Variants in TRDMT1 observed in about 807,000 individuals in gnomAD.
The protein encoded by TRDMT1 is tRNA (cytosine(38)-C(5))-methyltransferase.
TRDMT1 carries 49 observed loss-of-function variants against 51.2 expected under a neutral mutation model. The ratio of observed to expected loss-of-function variants is 0.96; its 90% confidence interval spans 0.76 to 1.21. TRDMT1 has a LOEUF of 1.21. Ranked by LOEUF, TRDMT1 falls within the 50% of genes most tolerant of loss-of-function variation. The probability of loss-of-function intolerance (pLI) is 0.00; values close to 1 mark genes in which losing one functional copy is unlikely to be tolerated. For missense variants in TRDMT1, 534 were observed against 462.3 expected (o/e 1.16, Z -1.42); for synonymous variants, 187 against 164.6 (o/e 1.14, Z -1.04).
At chr10:17,197,008 G>A (rs568134896) in intron 1 of TRDMT1, among the ~76,000 whole-genome samples, 32 of 152,232 alleles carry the variant, frequency 2.1e-4, no homozygotes, top group South Asian at 4.1e-4. Context: ...CTGTGATGTC[G>A]GGATAAAGCT....
rs186305713 is a variant in TRDMT1, at chr10:17,158,732, T to C, written c.543+414A>G. 4.0e-3 allele frequency among the ~76,000 whole-genome samples: 615 copies of C among 152,288 alleles called. 4 individuals carry two copies. The highest frequency in any genetic ancestry group is 0.013 in the African/African-American group (536 of 41,584). ...TAAATAGCATTGGCTTTAAAGAAAA[T>C]GCAACCCATGTATTAAAATATTTGT... On this transcript the variant is annotated intron_variant, in intron 7 of 10. Coordinates refer to ENST00000377799, the MANE Select transcript of TRDMT1 (RefSeq NM_004412.7).
rs568633888 is a variant in TRDMT1 at position 17,165,017 on chromosome 10, C to T, written c.252-2780G>A. ...TTTTCTTCACAGAATTGGAAAAAAC[C>T]AATTTAAAGTTCATATGGAACCAAA... On this transcript the variant is annotated intron_variant, in intron 3 of 10. Transcript: ENST00000377799. Among the ~76,000 whole-genome samples, 415 of 151,986 alleles carry T rather than the reference C, an allele frequency of 2.7e-3. 1 individual carries two copies. The highest frequency in any genetic ancestry group is 0.01 in the Middle Eastern group (3 of 294).
chr10:17,164,701 C>T (rs1219853296), intron 3 of TRDMT1, among the ~76,000 whole-genome samples: 1 of 151,408 alleles, frequency 6.6e-6, no homozygotes, highest in Non-Finnish European at 1.5e-5. Flanking sequence ...GTGCAAAAAT[C>T]ACAAGCATTC....
chr10:17,187,329 C>A (rs373027050), intron 1 of TRDMT1, among the ~76,000 whole-genome samples: 1 of 152,190 alleles, frequency 6.6e-6, no homozygotes, highest in Admixed American at 6.5e-5. Context: ...ATTAAGATAA[C>A]AATTTCACCT....
chr10:17,145,825 T>G lies in TRDMT1; in HGVS notation c.*3215A>C, dbSNP rs928711989. ...CCTGCAGAATGCATCCTTTAGTAGGTGCTTGATATTAGATGAAATGTGGTT... is the reference window on the plus strand; with the variant it reads ...CCTGCAGAATGCATCCTTTAGTAGGGGCTTGATATTAGATGAAATGTGGTT... On this transcript the variant is annotated 3_prime_UTR_variant, in exon 11 of 11. Coordinates refer to ENST00000377799, the MANE Select transcript of TRDMT1 (RefSeq NM_004412.7). 3.0e-6 allele frequency: 3 copies of G among 985,350 alleles called. No individual in the cohort carries two copies. The highest frequency in any genetic ancestry group is 3.5e-5 in the African/African-American group (2 of 57,250). 61.0% of individuals were successfully genotyped at this position (985,350 alleles called of 1,614,324 possible).
At chr10:17,162,028 G>A in intron 4 of TRDMT1, 138 bp downstream of exon 4, 1 of 750,750 alleles carries the variant, frequency 1.3e-6, no homozygotes, top group South Asian at 1.6e-5. Flanking sequence ...GTCATGGTAG[G>A]AGAAGATAAA....
rs903985756 is a variant in TRDMT1, at chr10:17,160,236, C to A, written c.459+69G>T. 11 of 1,076,472 alleles carry A rather than the reference C, an allele frequency of 1.0e-5. No homozygotes were observed. In the Admixed American group the frequency reaches 1.3e-4, roughly 13 times the overall value. The allele number at this position is 1,076,472 out of a possible 1,614,324, so 66.7% of individuals were successfully genotyped here. A position where few individuals can be genotyped will look rare whatever the true frequency, so the allele number is the denominator to read the frequency against. On this transcript the variant is annotated intron_variant, in intron 6 of 10. Transcript: ENST00000377799. ...AATAAAGCCATTCTGCTTATCGAAT[C>A]AAATTTCCTTTGGGAAAAAAAGCCT...
chr10:17,144,543 G>A lies in TRDMT1; in HGVS notation c.*4497C>T. 1.0e-6 allele frequency: 1 copy of A among 985,806 alleles called. No individual in the cohort carries two copies. Among genetic ancestry groups the A allele is most frequent in the Non-Finnish European group, 1.2e-6 (1 of 829,936 alleles). 61.1% of individuals were successfully genotyped at this position (985,806 alleles called of 1,614,324 possible). On this transcript the variant is annotated 3_prime_UTR_variant, in exon 11 of 11. Coordinates refer to ENST00000377799, the MANE Select transcript of TRDMT1 (RefSeq NM_004412.7). ...ACTTCAGTAAGTGCTGGATGTGGCT[G>A]AAAGTAAGACTCAGAATCTATGGTA...
At chr10:17,168,593 A>T (rs910404131) in intron 3 of TRDMT1, among the ~76,000 whole-genome samples, 1 of 152,142 alleles carries the variant, frequency 6.6e-6, no homozygotes, top group African/African-American at 2.4e-5. Context: ...TTCTTGTGAC[A>T]GTGAATAAGT....
At chr10:17,191,883 A>T (rs1844734287) in intron 1 of TRDMT1, among the ~76,000 whole-genome samples, 1 of 152,198 alleles carries the variant, frequency 6.6e-6, no homozygotes, top group Admixed American at 6.5e-5. Context: ...GCTACTGAGC[A>T]GACAGAGTGC....
At chr10:17,171,599 T>C (rs1342145810) in intron 2 of TRDMT1, 1 of 152,236 alleles carries the variant, frequency 6.6e-6, no homozygotes, top group Non-Finnish European at 1.5e-5. Flanking sequence ...TTCCCAGCTC[T>C]GCTGAGACCC....
rs202018932 is a variant in TRDMT1, at chr10:17,168,747, C to T, written c.251+94G>A. 6 of 859,662 alleles carry T rather than the reference C, an allele frequency of 7.0e-6. No individual in the cohort carries two copies. In the East Asian group the frequency reaches 1.6e-4, roughly 23 times the overall value. The allele number at this position is 859,662 out of a possible 1,614,324, so 53.3% of individuals were successfully genotyped here. A position where few individuals can be genotyped will look rare whatever the true frequency, so the allele number is the denominator to read the frequency against. On this transcript the variant is annotated intron_variant, in intron 3 of 10. Coordinates refer to ENST00000377799, the MANE Select transcript of TRDMT1 (RefSeq NM_004412.7). ...CACATGGAACTGTAAGTCTAGTAAA[C>T]CTCTTTCTTTTGTAAATTGCCCAGT...
intron 3 of TRDMT1, among the ~76,000 whole-genome samples, chr10:17,163,131 T>C (rs918091211): frequency 6.6e-6 from 1 of 152,166 alleles, no homozygotes; most frequent in African/African-American, 2.4e-5. Flanking sequence ...AGCTGAAGTC[T>C]AGATTCTATA....
At chr10:17,196,014 T>C (rs1027788681) in intron 1 of TRDMT1, among the ~76,000 whole-genome samples, 2 of 152,198 alleles carry the variant, frequency 1.3e-5, no homozygotes, top group African/African-American at 4.8e-5. Context: ...GACATTCATA[T>C]CTACATACAA....
In TRDMT1 at chr10:17,138,106, G is replaced by A. The variant is rs1224678177; in HGVS notation, c.*10934C>T. Among the ~76,000 whole-genome samples the A allele has an allele frequency of 6.6e-6, 1 of 152,172 alleles. No homozygotes were observed. The highest frequency in any genetic ancestry group is 2.4e-5 in the African/African-American group (1 of 41,420). On this transcript the variant is annotated 3_prime_UTR_variant, in exon 11 of 11. Transcript: ENST00000377799. ...GGTTGAGATGCAGAGGTGCGTTGGAGGATGGACAAATTGGCAAGATTCTCA... is the reference window on the plus strand; with the variant it reads ...GGTTGAGATGCAGAGGTGCGTTGGAAGATGGACAAATTGGCAAGATTCTCA...
Position 17,144,119 on chromosome 10 carries a change from C to A in TRDMT1, c.*4921G>T. 1.0e-6 allele frequency: 1 copy of A among 985,390 alleles called. No homozygotes were observed. Among genetic ancestry groups the A allele is most frequent in the Non-Finnish European group, 1.2e-6 (1 of 829,918 alleles). 61.0% of individuals were successfully genotyped at this position (985,390 alleles called of 1,614,324 possible). On this transcript the variant is annotated 3_prime_UTR_variant, in exon 11 of 11. Transcript: ENST00000377799. ...TGAAGGGTAGAAAGAGACCTGAGGA[C>A]GGAACCTTCAGATAAGTCAGCTCCA...
In TRDMT1 at chr10:17,143,986, GA is replaced by G; in HGVS notation, c.*5053del. ...AAAATGTCCCAGCATGAAGATTCTA[GA>G]ATAGGACTTAGGAAAACAGCAGATT... On this transcript the variant is annotated 3_prime_UTR_variant, in exon 11 of 11. Coordinates refer to ENST00000377799, the MANE Select transcript of TRDMT1 (RefSeq NM_004412.7). 1 of 985,320 alleles carries G rather than the reference GA, an allele frequency of 1.0e-6. No individual in the cohort carries two copies. Among genetic ancestry groups the G allele is most frequent in the East Asian group, 1.1e-4 (1 of 8,830 alleles). 61.0% of individuals were successfully genotyped at this position (985,320 alleles called of 1,614,324 possible). A position where few individuals can be genotyped will look rare whatever the true frequency, so the allele number is the denominator to read the frequency against.
rs1837474732 is a variant in TRDMT1, at chr10:17,138,120, GCAAGATTCT to G, written c.*10911_*10919del. 6.6e-6 allele frequency among the ~76,000 whole-genome samples: 1 copy of G among 152,104 alleles called. No individual in the cohort carries two copies. The highest frequency in any genetic ancestry group is 2.4e-5 in the African/African-American group (1 of 41,394). On this transcript the variant is annotated 3_prime_UTR_variant, in exon 11 of 11. Transcript: ENST00000377799. ...GGTGCGTTGGAGGATGGACAAATTGGCAAGATTCTCACACCCCTAATGCTAGCTCCCATT... is the reference window on the plus strand; with the variant it reads ...GGTGCGTTGGAGGATGGACAAATTGGCACACCCCTAATGCTAGCTCCCATT...
chr10:17,164,594 T>C lies in TRDMT1; in HGVS notation c.252-2357A>G, dbSNP rs554221920. 5.3e-5 allele frequency among the ~76,000 whole-genome samples: 8 copies of C among 152,328 alleles called. No homozygotes were observed. In the South Asian group the frequency reaches 8.3e-4, roughly 16 times the overall value. On this transcript the variant is annotated intron_variant, in intron 3 of 10. Transcript: ENST00000377799. ...AAGTCAAATTGTCCCTGTTTGCAGA[T>C]GACATGATTGTATATCTAGAAAAAC...
Sources: gnomAD v4.1 joint callset for allele counts (sites outside exome capture counted in the v4.1 genomes callset) on GRCh38, gnomAD v4.1.1 for gene constraint, MANE v1.5 for transcripts, NCBI Gene and HGNC (gene_info 2026-07-23, HGNC 2026-07-21) for gene names.